NTNG2: variants seen among roughly 807,000 people sequenced by gnomAD.
NTNG2 encodes the protein netrin G2.
Under a neutral mutation model 47.6 loss-of-function variants are expected in NTNG2, and 15 were observed. The observed-to-expected ratio is 0.32, with a 90% CI of 0.21 to 0.49. NTNG2 has a LOEUF of 0.49. Among genes scored for constraint, NTNG2 ranks in the 20% least tolerant of loss-of-function variants. NTNG2 has a pLI of 0.99. For missense variants in NTNG2, 578 were observed against 764.6 expected, an observed-to-expected ratio of 0.76 and a Z score of 2.88; for synonymous variants, 307 against 324.6, an observed-to-expected ratio of 0.95 and a Z score of 0.58.
chr9:132,167,315 C>T (rs981601014), intron 2 of NTNG2, among the ~76,000 whole-genome samples: 4 of 152,356 alleles, frequency 2.6e-5, no homozygotes, highest in South Asian at 4.1e-4. Flanking sequence ...TCAGTTCCCT[C>T]GGGAAGCCTA....
At chr9:132,189,068 C>CTTTTTTTTTTT (rs749756559) in intron 2 of NTNG2, among the ~76,000 whole-genome samples, 1,238 of 93,264 alleles carry the variant, frequency 0.013, 225 homozygotes, top group African/African-American at 0.032. Context: ...TTAAGCCTTT[C>CTTTTTTTTTTT]TTTTTTTTTT....
At chr9:132,188,497 A>G (rs981795637) in intron 2 of NTNG2, among the ~76,000 whole-genome samples, 13 of 152,138 alleles carry the variant, frequency 8.5e-5, no homozygotes, top group African/African-American at 3.1e-4. Context: ...GCCGAGCCGC[A>G]TGACCCTGCG....
chr9:132,220,222 T>C (rs559730034), intron 3 of NTNG2, among the ~76,000 whole-genome samples: 33 of 152,246 alleles, frequency 2.2e-4, no homozygotes, highest in Non-Finnish European at 4.0e-4. Context: ...AAGTGTTCAT[T>C]AGATGTTCTA....
intron 2 of NTNG2, among the ~76,000 whole-genome samples, chr9:132,193,146 G>A (rs1390443858): frequency 1.3e-5 from 2 of 152,272 alleles, no homozygotes; most frequent in East Asian, 3.8e-4. Context: ...AAGATGAAGA[G>A]AGACCAGGGA....
chr9:132,224,662 T>C (rs182189633), intron 3 of NTNG2, among the ~76,000 whole-genome samples: 53 of 152,370 alleles, frequency 3.5e-4, no homozygotes, highest in Admixed American at 7.8e-4. Flanking sequence ...CTAAACCCAT[T>C]GCTCTGCAAT....
intron 2 of NTNG2, among the ~76,000 whole-genome samples, chr9:132,167,491 C>T (rs113861354): frequency 1.3e-5 from 2 of 152,212 alleles, no homozygotes; most frequent in African/African-American, 4.8e-5. Context: ...ATCCAGCAGA[C>T]GGTACCATGA....
At chr9:132,240,483 C>T (rs889202521) in intron 6 of NTNG2, 5 of 259,678 alleles carry the variant, frequency 1.9e-5, no homozygotes, top group Non-Finnish European at 3.8e-5. Context: ...TGTTCCTCCA[C>T]TCCCCTGCAA....
At chr9:132,181,443 C>T (rs1216216858) in intron 2 of NTNG2, among the ~76,000 whole-genome samples, 1 of 151,958 alleles carries the variant, frequency 6.6e-6, no homozygotes, top group East Asian at 1.9e-4. Context: ...TCCTCAGCCT[C>T]CCAAGTAGCT....
chr9:132,227,171 A>C, intron 4 of NTNG2, 150 bp downstream of exon 4: 3 of 873,018 alleles, frequency 3.4e-6, no homozygotes, highest in Non-Finnish European at 5.0e-6. Flanking sequence ...ACAGAAACAT[A>C]CGAGCATGCA....
Position 132,162,555 on chromosome 9 carries a change from T to TGTGTGTGTGTGTGAGA in NTNG2, c.-484+317_-484+318insTGTGTGTGTGTGAGAG, listed in dbSNP as rs112179857. Among the ~76,000 whole-genome samples, 2 of 139,374 alleles carry TGTGTGTGTGTGTGAGA rather than the reference T, an allele frequency of 1.4e-5. No homozygotes were observed. Among genetic ancestry groups the TGTGTGTGTGTGTGAGA allele is most frequent in the Non-Finnish European group, 3.1e-5 (2 of 64,100 alleles). 91.4% of individuals were successfully genotyped at this position (139,374 alleles called of 152,430 possible). On this transcript the variant is annotated intron_variant, in intron 1 of 7. Coordinates refer to ENST00000393229, the MANE Select transcript of NTNG2 (RefSeq NM_032536.4). This position sits in a 1 kb window ranked among gnomAD's most constrained non-coding sequence, Gnocchi z 4.6. ...GTGAGAGTGTGTGTGTGTGTGTGTGTGAGAGAGAGACAGAGTGTGTGTGTG... is the reference window on the plus strand; with the variant it reads ...GTGAGAGTGTGTGTGTGTGTGTGTGTGTGTGTGTGTGTGAGAGAGAGAGAGACAGAGTGTGTGTGTG...
rs1377013866 is a variant in NTNG2, at chr9:132,244,055, A to C, written c.*1944A>C. The C allele has an allele frequency of 6.6e-6, 1 of 152,258 alleles. No homozygotes were observed. Among genetic ancestry groups the C allele is most frequent in the Non-Finnish European group, 1.5e-5 (1 of 68,066 alleles). The allele number at this position is 152,258 out of a possible 1,614,324, so 9.4% of individuals were successfully genotyped here. On this transcript the variant is annotated 3_prime_UTR_variant, in exon 8 of 8. Coordinates refer to ENST00000393229, the MANE Select transcript of NTNG2 (RefSeq NM_032536.4). ...TTGTGGATAGGAGTGGCCAGGGGAC[A>C]CAGCTCTGGGCAGTGAGATGTAAGC...
intron 3 of NTNG2, among the ~76,000 whole-genome samples, chr9:132,205,219 A>G (rs928443671): frequency 2.6e-5 from 4 of 152,240 alleles, no homozygotes; most frequent in African/African-American, 9.6e-5. Context: ...ACAACTGTTC[A>G]TCAACAAATG....
At chr9:132,225,106 G>A (rs1262819729) in intron 3 of NTNG2, among the ~76,000 whole-genome samples, 1 of 152,090 alleles carries the variant, frequency 6.6e-6, no homozygotes, top group African/African-American at 2.4e-5. Flanking sequence ...TAGTAGAGAT[G>A]GGGTTTCACC....
chr9:132,175,275 G>T (rs1298128997), intron 2 of NTNG2, among the ~76,000 whole-genome samples: 1 of 152,138 alleles, frequency 6.6e-6, no homozygotes, highest in African/African-American at 2.4e-5. Flanking sequence ...TAGGAGCTGG[G>T]GTTCAGCCTT....
chr9:132,226,774 C>G lies in NTNG2; in HGVS notation c.858-75C>G. ...ACCCTCCTGGGCCCCTCCTGGGAGG[C>G]GCTCCTTTCCCCAGAGGCCAGGCCA... On this transcript the variant is annotated intron_variant, in intron 3 of 7. Transcript: ENST00000393229. The surrounding 1 kb of genome is among the most constrained non-coding windows in gnomAD (Gnocchi z 4.8). 7 of 1,349,910 alleles carry G rather than the reference C, an allele frequency of 5.2e-6. No homozygotes were observed. Among genetic ancestry groups the G allele is most frequent in the South Asian group, 2.9e-5 (2 of 68,078 alleles). 83.6% of individuals were successfully genotyped at this position (1,349,910 alleles called of 1,614,324 possible). A position where few individuals can be genotyped will look rare whatever the true frequency, so the allele number is the denominator to read the frequency against.
At chr9:132,179,229 G>A (rs897802465) in intron 2 of NTNG2, among the ~76,000 whole-genome samples, 1 of 152,252 alleles carries the variant, frequency 6.6e-6, no homozygotes, top group African/African-American at 2.4e-5. Flanking sequence ...GGGGACACAG[G>A]ATGCCTGCCC....
intron 3 of NTNG2, among the ~76,000 whole-genome samples, chr9:132,223,430 C>A (rs142738574): frequency 6.6e-6 from 1 of 151,956 alleles, no homozygotes; most frequent in South Asian, 2.1e-4. Flanking sequence ...AGGCCGGATG[C>A]GAGGAGGGAG....
chr9:132,172,050 G>A (rs1444437419), intron 2 of NTNG2, among the ~76,000 whole-genome samples: 6 of 152,244 alleles, frequency 3.9e-5, no homozygotes, highest in East Asian at 1.9e-4. Flanking sequence ...TGGTGACACC[G>A]GGGCCTGATA....
intron 3 of NTNG2, among the ~76,000 whole-genome samples, chr9:132,204,243 C>T (rs1395891892): frequency 6.6e-6 from 1 of 152,182 alleles, no homozygotes; most frequent in East Asian, 1.9e-4. Context: ...TCCTGCAGAC[C>T]CAGCTTCCCC....
Sources: gnomAD v4.1 joint callset for allele counts (sites outside exome capture counted in the v4.1 genomes callset) on GRCh38, gnomAD v4.1.1 for gene constraint, Gnocchi (gnomAD v3.1) non-coding constraint, MANE v1.5 for transcripts, NCBI Gene and HGNC (gene_info 2026-07-23, HGNC 2026-07-21) for gene names.